The following PLPPR1 variants were observed in gnomAD, a reference collection of about 807,000 sequenced individuals.
PLPPR1 encodes phospholipid phosphatase related 1.
In PLPPR1, 10 loss-of-function variants were observed where a neutral mutation model predicts 33.1. The observed-to-expected ratio is 0.30, with a 90% CI of 0.19 to 0.51. The LOEUF is 0.51. PLPPR1 is among the 20% of genes least tolerant of loss of function. The pLI is 0.97. For synonymous variants in PLPPR1, 151 were observed against 151.0 expected (o/e 1.00, Z 0.00); for missense variants, 304 against 408.1 (o/e 0.74, Z 2.20).
rs904018943 is a variant in PLPPR1, at chr9:101,220,637, TGG to T, written c.63+35081_63+35082del. Among the ~76,000 whole-genome samples, 24 of 152,328 alleles carry T rather than the reference TGG, an allele frequency of 1.6e-4. No individual in the cohort carries two copies. The East Asian group carries it at 3.5e-3, about 22-fold the overall frequency. On this transcript the variant is annotated intron_variant, in intron 2 of 7. Transcript: ENST00000374874. ...CTAGCAGCTCTAGACTTTCCTCTTG[TGG>T]TAGTAGTTCATGTCATACAGCTTCA...
chr9:101,120,731 C>T (rs1831169038), intron 1 of PLPPR1, among the ~76,000 whole-genome samples: 1 of 130,938 alleles, frequency 7.6e-6, no homozygotes, highest in African/African-American at 2.7e-5. Flanking sequence ...GGACCAGTTA[C>T]TCAGCCACAC....
At chr9:101,056,242 T>A (rs956198155) in intron 1 of PLPPR1, among the ~76,000 whole-genome samples, 1 of 152,200 alleles carries the variant, frequency 6.6e-6, no homozygotes, top group African/African-American at 2.4e-5. Context: ...CTGTGACAGA[T>A]GTAAGGCAGA....
chr9:101,102,093 CTTTTTTT>C (rs397937393), intron 1 of PLPPR1, among the ~76,000 whole-genome samples: 2 of 71,902 alleles, frequency 2.8e-5, no homozygotes, highest in African/African-American at 5.7e-5. Context: ...GTAGGAACAA[CTTTTTTT>C]TTTTTTTTTT....
chr9:101,112,221 G>A (rs1225800959), intron 1 of PLPPR1, among the ~76,000 whole-genome samples: 1 of 152,108 alleles, frequency 6.6e-6, no homozygotes, highest in Admixed American at 6.5e-5. Flanking sequence ...ACAACTTTCA[G>A]ATTCTGTCAT....
chr9:101,061,560 AC>A, intron 1 of PLPPR1, among the ~76,000 whole-genome samples: 1 of 152,040 alleles, frequency 6.6e-6, no homozygotes, highest in Non-Finnish European at 1.5e-5. Flanking sequence ...ATTTGCCATC[AC>A]TTTTAATGGC....
chr9:101,296,147 C>G (rs1007029452), intron 4 of PLPPR1, among the ~76,000 whole-genome samples: 7 of 152,128 alleles, frequency 4.6e-5, no homozygotes, highest in Non-Finnish European at 2.9e-5. Context: ...AGGACATGAA[C>G]AGACACTTCT....
At chr9:101,294,298 T>C (rs7043340) in intron 4 of PLPPR1, among the ~76,000 whole-genome samples, 4,422 of 151,724 alleles carry the variant, frequency 0.029, 203 homozygotes, top group African/African-American at 0.1. Flanking sequence ...TCTGAAATTG[T>C]GGCAATAATC....
chr9:101,086,753 T>C (rs1830681612), intron 1 of PLPPR1, among the ~76,000 whole-genome samples: 1 of 152,114 alleles, frequency 6.6e-6, no homozygotes, highest in Non-Finnish European at 1.5e-5. Flanking sequence ...TAGCCACAAA[T>C]CCATAAGCAG....
At chr9:101,309,113 A>T in intron 4 of PLPPR1, 98 bp from the exon 5 acceptor site, 1 of 1,228,344 alleles carries the variant, frequency 8.1e-7, no homozygotes, top group Non-Finnish European at 1.2e-6. Context: ...AATCATTTTG[A>T]TAGGTCATCA....
chr9:101,282,459 T>C (rs546732978), intron 3 of PLPPR1, among the ~76,000 whole-genome samples: 1 of 152,322 alleles, frequency 6.6e-6, no homozygotes, highest in African/African-American at 2.4e-5. Flanking sequence ...TAAATTCATG[T>C]TCAACGGAGA....
intron 2 of PLPPR1, among the ~76,000 whole-genome samples, chr9:101,196,967 C>T (rs1210865365): frequency 6.6e-6 from 1 of 152,162 alleles, no homozygotes; most frequent in Non-Finnish European, 1.5e-5. Context: ...AGTATGTAAT[C>T]TGAGTTTCCC....
chr9:101,044,643 G>T (rs557096761), intron 1 of PLPPR1, among the ~76,000 whole-genome samples: 2 of 152,258 alleles, frequency 1.3e-5, no homozygotes, highest in South Asian at 4.2e-4. Flanking sequence ...AAAATGAAAG[G>T]AGATGAAGTA....
chr9:101,123,832 C>T (rs1198893135), intron 1 of PLPPR1, among the ~76,000 whole-genome samples: 2 of 152,078 alleles, frequency 1.3e-5, no homozygotes, highest in Non-Finnish European at 2.9e-5. Flanking sequence ...GGATTTTATG[C>T]CCTGGGCTTA....
chr9:101,272,257 A>T (rs991828923), intron 3 of PLPPR1, among the ~76,000 whole-genome samples: 2 of 152,190 alleles, frequency 1.3e-5, no homozygotes, highest in Admixed American at 6.5e-5. Context: ...AAAAAATAGT[A>T]CTCAGGACAC....
At chr9:101,290,899 G>T (rs1379097729) in intron 4 of PLPPR1, among the ~76,000 whole-genome samples, 1 of 152,220 alleles carries the variant, frequency 6.6e-6, no homozygotes, top group Non-Finnish European at 1.5e-5. Flanking sequence ...TGAGGTACCT[G>T]GTTCATCTCA....
intron 4 of PLPPR1, among the ~76,000 whole-genome samples, chr9:101,293,769 C>A (rs1828564575): frequency 6.6e-6 from 1 of 151,962 alleles, no homozygotes; most frequent in Non-Finnish European, 1.5e-5. Flanking sequence ...AACAAAGACA[C>A]AACATACCAG....
rs3080736 is a variant in PLPPR1, at chr9:101,071,605, G to GGAGAGAGAGAGAGAGAGAGAGAGAGA, written c.-46+42525_-46+42526insGAGAGAGAGAGAGAGAGAGAGAGAGA. Among the ~76,000 whole-genome samples the GGAGAGAGAGAGAGAGAGAGAGAGAGA allele has an allele frequency of 3.2e-3, 483 of 148,978 alleles. 4 individuals are homozygous for GGAGAGAGAGAGAGAGAGAGAGAGAGA. The highest frequency in any genetic ancestry group is 0.012 in the African/African-American group (465 of 40,250). On this transcript the variant is annotated intron_variant, in intron 1 of 7. Transcript: ENST00000374874. ...CATGTGAGAGCAATGGGAGTGAGAA[G>GGAGAGAGAGAGAGAGAGAGAGAGAGA]GAGAGAGAGAGAGAGAGAGAGACAG...
intron 1 of PLPPR1, among the ~76,000 whole-genome samples, chr9:101,172,983 T>TG (rs1825966863): frequency 6.6e-6 from 1 of 152,078 alleles, no homozygotes; most frequent in South Asian, 2.1e-4. Context: ...CCTACTTACT[T>TG]TATCTTGGCT....
intron 1 of PLPPR1, among the ~76,000 whole-genome samples, chr9:101,041,103 C>G (rs1484302778): frequency 1.3e-5 from 2 of 152,148 alleles, no homozygotes; most frequent in African/African-American, 4.8e-5. Context: ...CATAGGACAG[C>G]TCTTAATGAG....
Sources: allele counts gnomAD v4.1 joint callset (sites outside exome capture counted in the v4.1 genomes callset), GRCh38; gene constraint gnomAD v4.1.1; transcripts MANE v1.5; gene names NCBI Gene and HGNC (gene_info 2026-07-23, HGNC 2026-07-21).